Variants in TENM3 observed in about 807,000 individuals in gnomAD.
The protein encoded by TENM3 is teneurin-3.
A neutral mutation model predicts 255.1 loss-of-function variants in TENM3; 63 were observed. The ratio of observed to expected loss-of-function variants is 0.25; its 90% CI spans 0.20 to 0.30. TENM3 has a LOEUF of 0.30. TENM3 is among the 10% of genes least tolerant of loss of function. TENM3 has a pLI of 1.00. For missense variants in TENM3, 2,929 were observed against 3,461.1 expected, an observed-to-expected ratio of 0.85 and a Z score of 3.86; for synonymous variants, 1,306 against 1,322.3, an observed-to-expected ratio of 0.99 and a Z score of 0.27.
At chr4:182,756,998 A>C (rs539202900) in intron 22 of TENM3, among the ~76,000 whole-genome samples, 2 of 152,308 alleles carry the variant, frequency 1.3e-5, no homozygotes, top group South Asian at 4.1e-4. Context: ...GAGACTGGGC[A>C]GGAGAGCTGC....
chr4:182,718,528 AAAACGGTCTACTATGGG>A lies in TENM3; in HGVS notation c.2368+4298_2368+4314del, dbSNP rs531860355. On this transcript the variant is annotated intron_variant, in intron 13 of 27. Coordinates refer to ENST00000511685, the MANE Select transcript of TENM3 (RefSeq NM_001080477.4). ...GGGGCTTGGATGCTGGGCAGGCAGA[AAAACGGTCTACTATGGG>A]AATAAGAATAGTTCTCCACAGCATT... Among the ~76,000 whole-genome samples, 1,178 of 152,324 alleles carry A rather than the reference AAAACGGTCTACTATGGG, an allele frequency of 7.7e-3. 6 individuals are homozygous for A. The highest frequency in any genetic ancestry group is 0.013 in the Non-Finnish European group (871 of 68,018).
the TENM3 span, among the ~76,000 whole-genome samples, chr4:181,562,976 T>C: frequency 6.6e-6 from 1 of 152,186 alleles, no homozygotes; most frequent in Non-Finnish European, 1.5e-5. Context: ...TGCCGGGCCC[T>C]TCTTAGGGCC....
the TENM3 span, among the ~76,000 whole-genome samples, chr4:181,800,474 G>A: frequency 2.6e-5 from 4 of 152,168 alleles, no homozygotes; most frequent in East Asian, 3.9e-4. Context: ...TCTACTTAAA[G>A]TGCAAAAAAT....
chr4:182,495,162 C>T lies in TENM3; in HGVS notation c.512-105762C>T, dbSNP rs572868459. On this transcript the variant is annotated intron_variant, in intron 3 of 27. Transcript: ENST00000511685. ...AAACTTAATGGAAGATGCTCAGATG[C>T]GCGAGCTCTCTGATGATACCCCTTA... Among the ~76,000 whole-genome samples the T allele has an allele frequency of 3.3e-5, 5 of 152,290 alleles. No individual in the cohort carries two copies. The South Asian group carries it at 8.3e-4, about 25-fold the overall frequency.
intron 12 of TENM3, among the ~76,000 whole-genome samples, chr4:182,696,718 C>T (rs570050410): frequency 1.3e-5 from 2 of 149,774 alleles, no homozygotes; most frequent in South Asian, 2.1e-4. Flanking sequence ...AGCGAGACTT[C>T]ATCTCAAAAA....
intron 3 of TENM3, among the ~76,000 whole-genome samples, chr4:182,556,382 C>T (rs1033773065): frequency 1.3e-5 from 2 of 152,176 alleles, no homozygotes; most frequent in Non-Finnish European, 1.5e-5. Flanking sequence ...TTGTAACTTG[C>T]AGTGGAGTAA....
intron 12 of TENM3, among the ~76,000 whole-genome samples, chr4:182,698,553 C>T (rs1757605240): frequency 6.6e-6 from 1 of 152,216 alleles, no homozygotes; most frequent in Admixed American, 6.5e-5. Context: ...AAGTCACAGT[C>T]CCGAGGGCCA....
At chr4:182,222,347 T>C (rs1755894942) in intron 1 of TENM3, among the ~76,000 whole-genome samples, 1 of 152,244 alleles carries the variant, frequency 6.6e-6, no homozygotes, top group Non-Finnish European at 1.5e-5. Context: ...TCTGCACATA[T>C]GCTATCAACA....
intron 1 of TENM3, among the ~76,000 whole-genome samples, chr4:182,296,527 G>A (rs149596140): frequency 3.7e-4 from 57 of 152,250 alleles, no homozygotes; most frequent in Middle Eastern, 3.4e-3. Context: ...TTTACTGGAC[G>A]CTAATTGGCT....
intron 3 of TENM3, among the ~76,000 whole-genome samples, chr4:182,482,950 TG>T (rs1734338074): frequency 6.6e-6 from 1 of 152,200 alleles, no homozygotes; most frequent in Non-Finnish European, 1.5e-5. Flanking sequence ...GCTCTCTACA[TG>T]TCATATACTT....
At chr4:181,752,421 G>A in the TENM3 span, among the ~76,000 whole-genome samples, 2 of 152,144 alleles carry the variant, frequency 1.3e-5, no homozygotes, top group South Asian at 2.1e-4. Flanking sequence ...GCGTGGTGGC[G>A]GGTGCCTGTA....
At chr4:182,357,038 C>G (rs1443184987) in intron 3 of TENM3, among the ~76,000 whole-genome samples, 4 of 152,044 alleles carry the variant, frequency 2.6e-5, no homozygotes, top group African/African-American at 4.8e-5. Context: ...CCCTACAAAG[C>G]ACATGAACTC....
chr4:181,623,584 A>T, the TENM3 span, among the ~76,000 whole-genome samples: 1 of 152,210 alleles, frequency 6.6e-6, no homozygotes. Context: ...CTTTATTGAG[A>T]CACTTGATAT....
intron 3 of TENM3, among the ~76,000 whole-genome samples, chr4:182,393,986 T>G (rs1768623343): frequency 6.6e-6 from 1 of 152,182 alleles, no homozygotes; most frequent in Non-Finnish European, 1.5e-5. Flanking sequence ...AGAGAACAAT[T>G]ATAGTCTCAG....
At chr4:182,786,328 G>A (rs550616577) in intron 24 of TENM3, among the ~76,000 whole-genome samples, 35 of 152,204 alleles carry the variant, frequency 2.3e-4, no homozygotes, top group Admixed American at 6.5e-4. Flanking sequence ...AAGCGGAGGC[G>A]GGTGGATCAC....
At chr4:181,628,964 T>C in the TENM3 span, among the ~76,000 whole-genome samples, 1 of 152,220 alleles carries the variant, frequency 6.6e-6, no homozygotes, top group Non-Finnish European at 1.5e-5. Flanking sequence ...TTCCTACCCA[T>C]GAGCATAGAA....
chr4:181,908,056 C>T, the TENM3 span, among the ~76,000 whole-genome samples: 2 of 151,920 alleles, frequency 1.3e-5, no homozygotes, highest in South Asian at 2.1e-4. Context: ...ATCAAATGGT[C>T]GTATGTTTAT....
chr4:181,912,265 G>C, the TENM3 span, among the ~76,000 whole-genome samples: 23 of 152,314 alleles, frequency 1.5e-4, no homozygotes, highest in Admixed American at 1.4e-3. Context: ...GGGTCTCAAA[G>C]CTTCATTAGG....
the TENM3 span, among the ~76,000 whole-genome samples, chr4:182,092,987 C>G: frequency 6.6e-6 from 1 of 152,162 alleles, no homozygotes; most frequent in African/African-American, 2.4e-5. Context: ...AGCTGGACCC[C>G]TACCAGTGTC....
Sources: gnomAD v4.1 joint callset for allele counts (sites outside exome capture counted in the v4.1 genomes callset) on GRCh38, gnomAD v4.1.1 for gene constraint, MANE v1.5 for transcripts, NCBI Gene and HGNC (gene_info 2026-07-23, HGNC 2026-07-21) for gene names.